RPS6KC1: variants seen among roughly 807,000 people sequenced by gnomAD.
RPS6KC1 encodes ribosomal protein S6 kinase C1.
A neutral mutation model predicts 103.8 loss-of-function variants in RPS6KC1; 54 were observed. That is an observed-to-expected ratio of 0.52 (90% confidence interval 0.42 to 0.65). The LOEUF (loss-of-function observed/expected upper bound fraction) is 0.65, where lower values mean the gene tolerates loss of function less well. Among genes scored for constraint, RPS6KC1 ranks in the 30% least tolerant of loss-of-function variants. RPS6KC1 has a pLI of 0.00. For synonymous variants in RPS6KC1, 439 were observed against 438.7 expected (o/e 1.00, Z -0.01); for missense variants, 1,151 against 1,253.8 (o/e 0.92, Z 1.24).
the RPS6KC1 span, among the ~76,000 whole-genome samples, chr1:213,513,065 T>C: frequency 6.6e-6 from 1 of 152,166 alleles, no homozygotes; most frequent in African/African-American, 2.4e-5. Context: ...GTCTGAACTA[T>C]CCTGGTGTGC....
the RPS6KC1 span, among the ~76,000 whole-genome samples, chr1:213,439,377 A>G: frequency 6.7e-6 from 1 of 150,300 alleles, no homozygotes; most frequent in Non-Finnish European, 1.5e-5. Context: ...ACTCATCCAT[A>G]GTTAAATTGA....
chr1:213,854,567 TCTC>T, the RPS6KC1 span, among the ~76,000 whole-genome samples: 3 of 135,648 alleles, frequency 2.2e-5, no homozygotes, highest in Admixed American at 1.7e-4. Context: ...TTTCTTTCTC[TCTC>T]TCTCTCTCTT....
At chr1:213,092,671 C>CA (rs56935040) in intron 3 of RPS6KC1, among the ~76,000 whole-genome samples, 1,068 of 82,350 alleles carry the variant, frequency 0.013, 10 homozygotes, top group African/African-American at 0.034. Flanking sequence ...GACTCCATCT[C>CA]AAAAAAAAAA....
At chr1:213,142,659 T>G (rs571594069) in intron 6 of RPS6KC1, among the ~76,000 whole-genome samples, 11 of 152,166 alleles carry the variant, frequency 7.2e-5, no homozygotes, top group African/African-American at 2.6e-4. Context: ...TGCCATCCGG[T>G]AGATGGCGAT....
chr1:213,415,039 A>C, the RPS6KC1 span, among the ~76,000 whole-genome samples: 188 of 152,328 alleles, frequency 1.2e-3, 1 homozygote, highest in African/African-American at 4.3e-3. Flanking sequence ...GACCTATTCT[A>C]TCCAGTGACC....
At chr1:213,170,796 C>T (rs2091416888) in intron 7 of RPS6KC1, among the ~76,000 whole-genome samples, 1 of 152,206 alleles carries the variant, frequency 6.6e-6, no homozygotes, top group South Asian at 2.1e-4. Context: ...AGTTAAAAGT[C>T]TTCCAGAGGA....
chr1:213,645,926 TG>T, the RPS6KC1 span, among the ~76,000 whole-genome samples: 1 of 152,250 alleles, frequency 6.6e-6, no homozygotes, highest in African/African-American at 2.4e-5. Flanking sequence ...GGGTTGTTTC[TG>T]GGTCTGAAAT....
At chr1:213,748,035 G>T in the RPS6KC1 span, among the ~76,000 whole-genome samples, 1 of 152,268 alleles carries the variant, frequency 6.6e-6, no homozygotes, top group Middle Eastern at 3.4e-3. Flanking sequence ...TGTATGAGGA[G>T]CCAGGTGGGT....
intron 12 of RPS6KC1, among the ~76,000 whole-genome samples, chr1:213,248,540 T>C (rs2094493010): frequency 6.6e-6 from 1 of 152,064 alleles, no homozygotes; most frequent in Non-Finnish European, 1.5e-5. Context: ...CACCACTGTA[T>C]ATCCATGAAA....
the RPS6KC1 span, among the ~76,000 whole-genome samples, chr1:213,804,075 C>T: frequency 8.3e-5 from 12 of 144,000 alleles, 1 homozygote; most frequent in Admixed American, 7.4e-4. Flanking sequence ...CAAACCTGCA[C>T]GTTGTGAACA....
the RPS6KC1 span, among the ~76,000 whole-genome samples, chr1:213,854,570 C>T: frequency 5.4e-3 from 574 of 106,322 alleles, 5 homozygotes; most frequent in African/African-American, 0.017. Flanking sequence ...CTTTCTCTCT[C>T]TCTCTCTCTT....
the RPS6KC1 span, among the ~76,000 whole-genome samples, chr1:213,617,895 G>T: frequency 3.3e-5 from 5 of 152,320 alleles, no homozygotes; most frequent in African/African-American, 1.2e-4. Flanking sequence ...AGACAGAGGG[G>T]TCTTCTCAGA....
intron 14 of RPS6KC1, among the ~76,000 whole-genome samples, chr1:213,263,880 G>A (rs901886599): frequency 6.6e-6 from 1 of 152,134 alleles, no homozygotes; most frequent in African/African-American, 2.4e-5. Flanking sequence ...ATTAGGGGAA[G>A]TTTTTGTGGA....
At chr1:213,480,347 G>A in the RPS6KC1 span, among the ~76,000 whole-genome samples, 1 of 152,008 alleles carries the variant, frequency 6.6e-6, no homozygotes, top group Non-Finnish European at 1.5e-5. Context: ...CACTTTGGTA[G>A]TGACCTGTTG....
rs201897544 is a variant in RPS6KC1, at chr1:213,119,829, C to CAGAT, written c.472+2420_472+2423dup. ...AAATACTGATGCTGTTCAAGGTGAA[C>CAGAT]AGATGGCTGTATTAATGCTAAAGGA... On this transcript the variant is annotated intron_variant, in intron 5 of 14. Coordinates refer to ENST00000366960, the MANE Select transcript of RPS6KC1 (RefSeq NM_012424.6). 7.0e-3 allele frequency among the ~76,000 whole-genome samples: 1,062 copies of CAGAT among 152,108 alleles called. 13 individuals carry two copies. Among genetic ancestry groups the CAGAT allele is most frequent in the African/African-American group, 0.024 (1,006 of 41,486 alleles).
intron 3 of RPS6KC1, among the ~76,000 whole-genome samples, chr1:213,100,848 A>G (rs1189041211): frequency 6.6e-6 from 1 of 151,636 alleles, no homozygotes; most frequent in Non-Finnish European, 1.5e-5. Context: ...ATGGGCACCT[A>G]GGTTGATTCC....
At chr1:213,662,707 C>G in the RPS6KC1 span, among the ~76,000 whole-genome samples, 1 of 152,174 alleles carries the variant, frequency 6.6e-6, no homozygotes, top group Non-Finnish European at 1.5e-5. Context: ...ATCTCATCAG[C>G]CTCCTGCTCC....
At chr1:213,731,223 G>A in the RPS6KC1 span, among the ~76,000 whole-genome samples, 86 of 152,218 alleles carry the variant, frequency 5.6e-4, 1 homozygote, top group East Asian at 5.8e-3. Context: ...TATTGCCTTG[G>A]CTATTCAGCT....
At chr1:213,673,039 A>G in the RPS6KC1 span, among the ~76,000 whole-genome samples, 1 of 152,174 alleles carries the variant, frequency 6.6e-6, no homozygotes, top group South Asian at 2.1e-4. Flanking sequence ...TCTACATGGG[A>G]GGGCTTTTGA....
Sources: gnomAD v4.1 joint callset for allele counts (sites outside exome capture counted in the v4.1 genomes callset) on GRCh38, gnomAD v4.1.1 for gene constraint, MANE v1.5 for transcripts, NCBI Gene and HGNC (gene_info 2026-07-23, HGNC 2026-07-21) for gene names.